The following COG6 variants were observed in gnomAD, a reference collection of about 807,000 sequenced individuals.
The protein encoded by COG6 is conserved oligomeric Golgi complex subunit 6.
Under a neutral mutation model 88.8 loss-of-function variants are expected in COG6, and 74 were observed. The observed-to-expected ratio is 0.83, with a 90% CI of 0.69 to 1.01. The LOEUF (loss-of-function observed/expected upper bound fraction) is 1.01. Among genes scored for constraint, COG6 ranks in the 50% least tolerant of loss-of-function variants. COG6 has a pLI of 0.00. For missense variants in COG6, 800 were observed against 797.9 expected (o/e 1.00, Z -0.03); for synonymous variants, 286 against 278.7 (o/e 1.03, Z -0.26).
chr13:39,762,319 C>G (rs1258724608), intron 18 of COG6, among the ~76,000 whole-genome samples: 1 of 151,750 alleles, frequency 6.6e-6, no homozygotes, highest in Non-Finnish European at 1.5e-5. Flanking sequence ...ACATTGATCT[C>G]ATAGAAGTAG....
At chr13:39,731,071 C>T (rs1480401139) in intron 18 of COG6, among the ~76,000 whole-genome samples, 1 of 152,004 alleles carries the variant, frequency 6.6e-6, no homozygotes, top group Non-Finnish European at 1.5e-5. Context: ...TATACACCTG[C>T]CTTGACCTCC....
intron 8 of COG6, 121 bp downstream of exon 8, chr13:39,682,385 C>T (rs1876369038): frequency 4.5e-6 from 3 of 660,072 alleles, no homozygotes; most frequent in South Asian, 3.6e-5. Flanking sequence ...TAATTTACAA[C>T]AATACTGTTC....
chr13:39,669,415 T>G (rs549763616), intron 4 of COG6, among the ~76,000 whole-genome samples: 2 of 152,234 alleles, frequency 1.3e-5, no homozygotes, highest in Non-Finnish European at 2.9e-5. Context: ...TTAAATCTTT[T>G]TGTTTTAATT....
intron 17 of COG6, among the ~76,000 whole-genome samples, chr13:39,725,028 G>T (rs1251411448): frequency 6.6e-6 from 1 of 151,594 alleles, no homozygotes; most frequent in Non-Finnish European, 1.5e-5. Flanking sequence ...TTCTTTTCAG[G>T]TGAAGATCTT....
At chr13:39,695,006 A>G (rs1349943198) in intron 12 of COG6, among the ~76,000 whole-genome samples, 1 of 150,892 alleles carries the variant, frequency 6.6e-6, no homozygotes, top group South Asian at 2.1e-4. Context: ...ATATAGCAAT[A>G]TAAGTCTATA....
chr13:39,667,869 C>T (rs1875368570), intron 4 of COG6, among the ~76,000 whole-genome samples: 1 of 152,044 alleles, frequency 6.6e-6, no homozygotes, highest in African/African-American at 2.4e-5. Flanking sequence ...GATGATCTTT[C>T]CTGTTTTAAA....
intron 18 of COG6, among the ~76,000 whole-genome samples, chr13:39,772,687 G>T (rs576468392): frequency 3.3e-5 from 5 of 152,342 alleles, no homozygotes; most frequent in Admixed American, 6.5e-5. Flanking sequence ...GCTGGCCTGA[G>T]AACTCAGTTC....
chr13:39,677,023 A>C (rs1032072594), intron 4 of COG6, among the ~76,000 whole-genome samples: 3 of 152,186 alleles, frequency 2.0e-5, no homozygotes, highest in Non-Finnish European at 4.4e-5. Flanking sequence ...TAAACTAATA[A>C]ATTTGATTTT....
intron 13 of COG6, among the ~76,000 whole-genome samples, chr13:39,715,218 T>G (rs956054450): frequency 6.6e-6 from 1 of 151,590 alleles, no homozygotes; most frequent in African/African-American, 2.4e-5. Flanking sequence ...AAAAAAAAAT[T>G]TTTAAAGATT....
chr13:39,671,372 T>A (rs1347458924), intron 4 of COG6, among the ~76,000 whole-genome samples: 1 of 151,922 alleles, frequency 6.6e-6, no homozygotes, highest in African/African-American at 2.4e-5. Context: ...TGCGTAACAT[T>A]TTTTCCCCAC....
chr13:39,656,791 A>G (rs1362849534), intron 1 of COG6: 2 of 455,618 alleles, frequency 4.4e-6, no homozygotes, highest in East Asian at 6.9e-5. Flanking sequence ...TCATGATTTG[A>G]GTAAGTCCCT....
rs747271379 is a variant in COG6 at position 39,727,484 on chromosome 13, T to TAA, written c.1763_1764insAA (p.Tyr588Ter). 1 of 1,612,824 alleles carries TAA rather than the reference T, an allele frequency of 6.2e-7. No individual in the cohort carries two copies. Among genetic ancestry groups the TAA allele is most frequent in the South Asian group, 1.1e-5 (1 of 91,060 alleles). ...TTTCATTTAGGTTCAGTTTGATCGT[T>TAA]ATCTGTCAGCCCCAGACAACCTATT... Reference protein sequence around the residue: ...LKAAMVQFDRYLSAPDNLLIP... With the variant: ...LKAAMVQFDR The change falls in exon 18 of 19, where the codon TAT (tyrosine) becomes TAAAT (stop). Residue 588 changes from tyrosine (Y) to a stop codon, truncating the protein, a stop_gained and frameshift_variant. Transcript: ENST00000455146. LOFTEE classifies it high-confidence loss of function.
At chr13:39,725,295 T>A (rs1398271107) in intron 17 of COG6, among the ~76,000 whole-genome samples, 3 of 145,874 alleles carry the variant, frequency 2.1e-5, no homozygotes, top group African/African-American at 8.4e-5. Flanking sequence ...ATTAACTCTT[T>A]AATCCTCATG....
intron 17 of COG6, among the ~76,000 whole-genome samples, chr13:39,726,459 A>G (rs1181734659): frequency 1.3e-5 from 2 of 151,946 alleles, no homozygotes; most frequent in Non-Finnish European, 2.9e-5. Flanking sequence ...CCATCCCTTC[A>G]TTCTATCAGT....
intron 4 of COG6, among the ~76,000 whole-genome samples, chr13:39,665,649 G>A (rs1875207165): frequency 6.6e-6 from 1 of 152,108 alleles, no homozygotes; most frequent in Non-Finnish European, 1.5e-5. Context: ...GTAATGTGTG[G>A]TGTTCAGTAT....
rs1442379324 is a variant in COG6, at chr13:39,655,677, G to A, written c.-50G>A. The A allele has an allele frequency of 1.9e-6, 3 of 1,552,034 alleles. No individual in the cohort carries two copies. The highest frequency in any genetic ancestry group is 2.4e-5 in the East Asian group (1 of 41,172). On this transcript the variant is annotated 5_prime_UTR_variant, in exon 1 of 19. It adds an upstream start codon to the 5' untranslated region. Coordinates refer to ENST00000455146, the MANE Select transcript of COG6 (RefSeq NM_020751.3). The stretch of plus-strand genomic sequence containing the variant: ...CATGCGCAATACTCGCGCTGCCTCC[G>A]TGGTCCCTGCCTGGCTGAGGTGGCA...
In COG6 at chr13:39,752,027, G is replaced by C; in HGVS notation, c.*934G>C. On this transcript the variant is annotated 3_prime_UTR_variant, in exon 19 of 19. Coordinates refer to ENST00000455146, the MANE Select transcript of COG6 (RefSeq NM_020751.3). ...AGGAGGAGTTGCCAATTGGCAGTGT[G>C]TCTTATCTCCATGTTGTAACTGGAC... is the stretch of plus-strand genomic sequence containing the variant. 7.8e-7 allele frequency: 1 copy of C among 1,280,636 alleles called. No homozygotes were observed. The highest frequency in any genetic ancestry group is 1.0e-6 in the Non-Finnish European group (1 of 982,700). 79.3% of individuals were successfully genotyped at this position (1,280,636 alleles called of 1,614,324 possible). A position where few individuals can be genotyped will look rare whatever the true frequency, so the allele number is the denominator to read the frequency against.
chr13:39,700,801 G>A (rs573885598), intron 13 of COG6, among the ~76,000 whole-genome samples: 5 of 151,958 alleles, frequency 3.3e-5, no homozygotes, highest in Admixed American at 6.6e-5. Context: ...CAAAGGAGGA[G>A]TATATTTAGC....
intron 3 of COG6, among the ~76,000 whole-genome samples, chr13:39,662,271 C>T (rs920507428): frequency 2.0e-5 from 3 of 151,302 alleles, no homozygotes; most frequent in Non-Finnish European, 4.4e-5. Flanking sequence ...GGATTACAGG[C>T]GCCTGACACC....
Sources: allele counts gnomAD v4.1 joint callset (sites outside exome capture counted in the v4.1 genomes callset), GRCh38; gene constraint gnomAD v4.1.1; transcripts MANE v1.5; gene names NCBI Gene and HGNC (gene_info 2026-07-23, HGNC 2026-07-21).